Variants in RAPGEF2 observed in about 807,000 individuals in gnomAD.
RAPGEF2 encodes the protein Rap guanine nucleotide exchange factor 2, also known as PDZ domain containing guanine nucleotide exchange factor (GEF) 1.
In RAPGEF2, 54 loss-of-function variants were observed where a neutral mutation model predicts 186.7. That is an observed-to-expected ratio of 0.29 (90% confidence interval 0.23 to 0.36). RAPGEF2 has a LOEUF of 0.36. Among genes scored for constraint, RAPGEF2 ranks in the 10% least tolerant of loss-of-function variants. The pLI, the probability that RAPGEF2 is intolerant of heterozygous loss-of-function variation, is 1.00. For synonymous variants in RAPGEF2, 712 were observed against 705.9 expected, an observed-to-expected ratio of 1.01 and a Z score of -0.14; for missense variants, 1,532 against 2,045.0, an observed-to-expected ratio of 0.75 and a Z score of 4.84.
chr4:159,137,978 T>C (rs1012630799), intron 1 of RAPGEF2, among the ~76,000 whole-genome samples: 1 of 152,242 alleles, frequency 6.6e-6, no homozygotes, highest in African/African-American at 2.4e-5. Context: ...GGGAGAAATG[T>C]GTCCACATAA....
chr4:159,172,191 T>C lies in RAPGEF2; in HGVS notation c.70-14451T>C, dbSNP rs148119193. ...ACATTTGGAACCTTTTCACTAGCCT[T>C]CTTTGAAATCTTTTACCAAGAAAAT... On this transcript the variant is annotated intron_variant, in intron 1 of 29. Transcript: ENST00000691494. Among the ~76,000 whole-genome samples the C allele has an allele frequency of 3.3e-3, 498 of 152,274 alleles. 4 individuals carry two copies. The highest frequency in any genetic ancestry group is 0.012 in the African/African-American group (481 of 41,550).
In RAPGEF2 at chr4:159,331,640, G is replaced by T; in HGVS notation, c.1586G>T (p.Gly529Val). 1 of 1,614,122 alleles carries T rather than the reference G, an allele frequency of 6.2e-7. No homozygotes were observed. Among genetic ancestry groups the T allele is most frequent in the Non-Finnish European group, 8.5e-7 (1 of 1,180,006 alleles). The change falls in exon 15 of 30, where the codon GGA becomes GTA. Residue 529 changes from glycine to valine, a missense_variant. Physicochemically the swap from Gly to Val is moderately radical, Grantham distance 109 (BLOSUM62 -3). Transcript: ENST00000691494. ...TCTGAACTCTTAAAGAAAATGGGTG[G>T]ACACCTAAGGCTGTTGAATATCGCG... ...ENNLEREKMG[G>V]HLRLLNIACA...
At chr4:159,227,548 A>C (rs1038408549) in intron 4 of RAPGEF2, among the ~76,000 whole-genome samples, 1 of 152,238 alleles carries the variant, frequency 6.6e-6, no homozygotes, top group East Asian at 1.9e-4. Flanking sequence ...TGTACAAAGC[A>C]CTGTGATCAG....
At chr4:159,326,036 A>G (rs536215342) in intron 11 of RAPGEF2, among the ~76,000 whole-genome samples, 52 of 152,162 alleles carry the variant, frequency 3.4e-4, no homozygotes, top group African/African-American at 1.2e-3. Flanking sequence ...TTTCTGCTAC[A>G]CTCCACACCA....
intron 1 of RAPGEF2, among the ~76,000 whole-genome samples, chr4:159,131,545 T>TA (rs1741106614): frequency 6.7e-6 from 1 of 149,898 alleles, no homozygotes; most frequent in Non-Finnish European, 1.5e-5. Context: ...TTTTTTTTTT[T>TA]TAGCTTTTGC....
At chr4:159,218,970 GT>G (rs33978378) in intron 4 of RAPGEF2, among the ~76,000 whole-genome samples, 3,732 of 152,232 alleles carry the variant, frequency 0.025, 166 homozygotes, top group African/African-American at 0.085. Context: ...AAAGTACTAG[GT>G]TAGGCAGGGA....
At chr4:159,192,026 C>T (rs555575310) in intron 2 of RAPGEF2, among the ~76,000 whole-genome samples, 2 of 152,152 alleles carry the variant, frequency 1.3e-5, no homozygotes, top group African/African-American at 2.4e-5. Context: ...GTAAAGAGGC[C>T]GAGGCAAGAA....
At chr4:159,150,134 T>C (rs528608789) in intron 1 of RAPGEF2, among the ~76,000 whole-genome samples, 2 of 140,000 alleles carry the variant, frequency 1.4e-5, no homozygotes, top group Admixed American at 6.8e-5. Context: ...CTATAATATA[T>C]AACAGTATAT....
intron 6 of RAPGEF2, 111 bp downstream of exon 6, chr4:159,241,479 T>C (rs886833548): frequency 5.2e-5 from 21 of 403,484 alleles, no homozygotes; most frequent in East Asian, 1.3e-4. Flanking sequence ...TATATATATA[T>C]ACACACACAT....
At chr4:159,160,958 G>A (rs1744645744) in intron 1 of RAPGEF2, among the ~76,000 whole-genome samples, 3 of 150,382 alleles carry the variant, frequency 2.0e-5, no homozygotes, top group African/African-American at 2.4e-5. Context: ...TAGTGATCAA[G>A]TATCCGAACC....
intron 4 of RAPGEF2, among the ~76,000 whole-genome samples, chr4:159,231,863 A>T (rs564283965): frequency 6.6e-6 from 1 of 152,312 alleles, no homozygotes; most frequent in African/African-American, 2.4e-5. Context: ...TCTTTCAGTC[A>T]TATTTGTTTA....
intron 17 of RAPGEF2, among the ~76,000 whole-genome samples, chr4:159,334,677 T>C (rs187765470): frequency 5.1e-4 from 77 of 152,334 alleles, no homozygotes; most frequent in African/African-American, 1.5e-3. Flanking sequence ...AAATGTGACA[T>C]GTAAGAACTG....
intron 1 of RAPGEF2, among the ~76,000 whole-genome samples, chr4:159,104,489 CGAGAGAGAGAGAGAGAGA>C (rs553251268): frequency 6.8e-5 from 6 of 88,802 alleles, no homozygotes; most frequent in African/African-American, 1.6e-4. Flanking sequence ...GTTGCCCAGC[CGAGAGAGAGAGAGAGAGA>C]GAGAGAGAGA....
At chr4:159,178,803 C>T (rs1035828520) in intron 1 of RAPGEF2, among the ~76,000 whole-genome samples, 1 of 152,062 alleles carries the variant, frequency 6.6e-6, no homozygotes, top group African/African-American at 2.4e-5. Flanking sequence ...AGGCAATTCA[C>T]CCGCCTCGGC....
intron 26 of RAPGEF2, among the ~76,000 whole-genome samples, chr4:159,350,693 G>A (rs1731050571): frequency 6.6e-6 from 1 of 152,086 alleles, no homozygotes; most frequent in Admixed American, 6.5e-5. Flanking sequence ...CACAGGTCTT[G>A]ATTACCTTTT....
intron 7 of RAPGEF2, among the ~76,000 whole-genome samples, chr4:159,262,837 TA>T (rs1757028794): frequency 6.7e-6 from 1 of 150,104 alleles, no homozygotes; most frequent in Non-Finnish European, 1.5e-5. Context: ...TTTTTTTTTT[TA>T]ACATTTCCTT....
chr4:159,217,229 A>G (rs1402790501), intron 4 of RAPGEF2, among the ~76,000 whole-genome samples: 2 of 152,130 alleles, frequency 1.3e-5, no homozygotes, highest in Non-Finnish European at 2.9e-5. Flanking sequence ...ACAAGGGTAT[A>G]TTGCTTGATG....
At chr4:159,274,378 A>G (rs1029822726) in intron 7 of RAPGEF2, among the ~76,000 whole-genome samples, 1 of 152,318 alleles carries the variant, frequency 6.6e-6, no homozygotes, top group African/African-American at 2.4e-5. Flanking sequence ...TAATCATTAT[A>G]TATTTTATTT....
At chr4:159,330,245 A>G (rs1561291013) in intron 12 of RAPGEF2, 89 bp from the exon 13 acceptor site, 4 of 868,596 alleles carry the variant, frequency 4.6e-6, no homozygotes, top group Non-Finnish European at 5.2e-6. Flanking sequence ...AATGTCATAT[A>G]TGTGTGTGTG....
Sources: gnomAD v4.1 joint callset for allele counts (sites outside exome capture counted in the v4.1 genomes callset) on GRCh38, gnomAD v4.1.1 for gene constraint, MANE v1.5 for transcripts, NCBI Gene and HGNC (gene_info 2026-07-23, HGNC 2026-07-21) for gene names.